ZFAT: variants seen among roughly 807,000 people sequenced by gnomAD.
ZFAT encodes zinc finger protein ZFAT.
In ZFAT, 64 loss-of-function variants were observed where a neutral mutation model predicts 117.7. That is an observed-to-expected ratio of 0.54 (90% CI 0.44 to 0.67). The LOEUF (loss-of-function observed/expected upper bound fraction) is 0.67. Ranked by LOEUF, ZFAT falls within the 30% of genes least tolerant of loss-of-function variation. The pLI, the probability that ZFAT is intolerant of heterozygous loss-of-function variation, is 0.00. For missense variants in ZFAT, 1,433 were observed against 1,584.5 expected (o/e 0.90, Z 1.62); for synonymous variants, 679 against 615.0 (o/e 1.10, Z -1.54).
chr8:134,584,982 C>T (rs1825968592), intron 9 of ZFAT, among the ~76,000 whole-genome samples: 1 of 152,136 alleles, frequency 6.6e-6, no homozygotes, highest in South Asian at 2.1e-4. Flanking sequence ...GTCTGATGTG[C>T]CTTAGGGCCC....
chr8:134,653,270 T>TTAAAAAA (rs1554615159), intron 2 of ZFAT, among the ~76,000 whole-genome samples: 32 of 91,880 alleles, frequency 3.5e-4, no homozygotes, highest in East Asian at 7.4e-4. Flanking sequence ...ATGTCTTTTT[T>TTAAAAAA]AAAAAAAAAA....
intron 1 of ZFAT, among the ~76,000 whole-genome samples, chr8:134,680,277 AAAAAG>A (rs1833013568): frequency 1.3e-5 from 2 of 151,688 alleles, no homozygotes; most frequent in Admixed American, 1.3e-4. Flanking sequence ...AAAAAAAAAA[AAAAAG>A]AATTTGAAGC....
the ZFAT span, among the ~76,000 whole-genome samples, chr8:134,806,713 CAG>C: frequency 6.6e-6 from 1 of 152,090 alleles, no homozygotes; most frequent in Non-Finnish European, 1.5e-5. Flanking sequence ...ATATTTTCTT[CAG>C]AGTTATGAAG....
At chr8:134,721,197 C>G in the ZFAT span, among the ~76,000 whole-genome samples, 1 of 152,196 alleles carries the variant, frequency 6.6e-6, no homozygotes, top group Non-Finnish European at 1.5e-5. Context: ...GCCTGGCCCA[C>G]TCATTCCACT....
chr8:134,782,580 G>T, the ZFAT span, among the ~76,000 whole-genome samples: 1 of 152,130 alleles, frequency 6.6e-6, no homozygotes, highest in African/African-American at 2.4e-5. Flanking sequence ...CCCGGTGGCA[G>T]ATAACGGAAT....
At chr8:134,543,735 AG>A (rs1822463521) in intron 11 of ZFAT, among the ~76,000 whole-genome samples, 2 of 152,182 alleles carry the variant, frequency 1.3e-5, no homozygotes, top group African/African-American at 4.8e-5. Flanking sequence ...TGACTGTGAA[AG>A]TCAGCAAAAC....
intron 13 of ZFAT, among the ~76,000 whole-genome samples, chr8:134,513,073 G>T (rs1382839813): frequency 6.6e-6 from 1 of 152,200 alleles, no homozygotes; most frequent in Non-Finnish European, 1.5e-5. Flanking sequence ...TTACACAGAG[G>T]AAGGGGCACA....
At chr8:134,818,058 A>G in the ZFAT span, among the ~76,000 whole-genome samples, 1 of 152,216 alleles carries the variant, frequency 6.6e-6, no homozygotes, top group Admixed American at 6.5e-5. Flanking sequence ...GCACAGGAGA[A>G]AACCTTTGTT....
the ZFAT span, among the ~76,000 whole-genome samples, chr8:134,764,133 GC>G: frequency 2.6e-5 from 4 of 152,312 alleles, no homozygotes; most frequent in African/African-American, 7.2e-5. Context: ...CTGCCTTGGG[GC>G]AAAGAATGGC....
chr8:134,666,478 A>G (rs992295664), intron 1 of ZFAT, among the ~76,000 whole-genome samples: 4 of 152,228 alleles, frequency 2.6e-5, no homozygotes, highest in Non-Finnish European at 5.9e-5. Context: ...ACAGACACCA[A>G]TACTAGGTGG....
chr8:134,639,149 G>T (rs550581413), intron 2 of ZFAT, among the ~76,000 whole-genome samples: 3 of 152,308 alleles, frequency 2.0e-5, no homozygotes, highest in African/African-American at 7.2e-5. Context: ...GGCCACAGGG[G>T]CAAAGGGGAG....
chr8:134,659,882 G>A (rs548585100), intron 1 of ZFAT, among the ~76,000 whole-genome samples: 1 of 152,336 alleles, frequency 6.6e-6, no homozygotes, highest in South Asian at 2.1e-4. Context: ...GACTTTCTCC[G>A]TGAATTAGCA....
intron 12 of ZFAT, among the ~76,000 whole-genome samples, chr8:134,524,943 A>G (rs1190799468): frequency 6.6e-6 from 1 of 152,218 alleles, no homozygotes; most frequent in African/African-American, 2.4e-5. Context: ...GTTTCTTCAC[A>G]ACAGCGCAAT....
chr8:134,801,659 G>C, the ZFAT span, among the ~76,000 whole-genome samples: 1 of 151,756 alleles, frequency 6.6e-6, no homozygotes, highest in Non-Finnish European at 1.5e-5. Flanking sequence ...TTTTTCTTCT[G>C]CTTTTCTCTG....
intron 1 of ZFAT, among the ~76,000 whole-genome samples, chr8:134,669,435 G>A (rs1832437383): frequency 6.6e-6 from 1 of 152,122 alleles, no homozygotes; most frequent in Non-Finnish European, 1.5e-5. Context: ...AGAAGAGAGT[G>A]GAAGCCAATA....
chr8:134,531,941 C>T (rs1042127733), intron 12 of ZFAT, among the ~76,000 whole-genome samples: 1 of 152,242 alleles, frequency 6.6e-6, no homozygotes, highest in African/African-American at 2.4e-5. Context: ...TCTCTGTTTA[C>T]TGGGGGCAGA....
At chr8:134,755,817 CAAA>C in the ZFAT span, among the ~76,000 whole-genome samples, 3 of 90,018 alleles carry the variant, frequency 3.3e-5, no homozygotes, top group Non-Finnish European at 4.3e-5. Flanking sequence ...GACTCCATCT[CAAA>C]AAAAAAAAAA....
chr8:134,703,445 T>G (rs1353534571), intron 1 of ZFAT, among the ~76,000 whole-genome samples: 2 of 152,248 alleles, frequency 1.3e-5, no homozygotes, highest in African/African-American at 4.8e-5. Context: ...ATGTGAGTAG[T>G]GCTGTGTGGC....
chr8:134,509,861 T>C (rs746091010), intron 14 of ZFAT, 112 bp from the exon 15 acceptor site: 27 of 1,360,642 alleles, frequency 2.0e-5, no homozygotes, highest in African/African-American at 2.9e-5. Context: ...AGAGGATGCA[T>C]GGGCTCTCCG....
Sources: allele counts gnomAD v4.1 joint callset (sites outside exome capture counted in the v4.1 genomes callset), GRCh38; gene constraint gnomAD v4.1.1; transcripts MANE v1.5; gene names NCBI Gene and HGNC (gene_info 2026-07-23, HGNC 2026-07-21).